The following GLT1D1 variants were observed in gnomAD, a reference collection of about 807,000 sequenced individuals.
GLT1D1 encodes glycosyltransferase 1 domain containing 1.
A neutral mutation model predicts 28.7 loss-of-function variants in GLT1D1; 21 were observed. That is an observed-to-expected ratio of 0.73 (90% confidence interval 0.52 to 1.05). The LOEUF (loss-of-function observed/expected upper bound fraction) is 1.05, where lower values mean the gene tolerates loss of function less well. Among genes scored for constraint, GLT1D1 ranks in the 50% least tolerant of loss-of-function variants. The pLI is 0.00. For synonymous variants in GLT1D1, 147 were observed against 124.8 expected (o/e 1.18, Z -1.19); for missense variants, 343 against 330.6 (o/e 1.04, Z -0.29).
At chr12:128,958,586 C>CA (rs1164628353) in intron 7 of GLT1D1, among the ~76,000 whole-genome samples, 30,154 of 74,490 alleles carry the variant, frequency 0.4, 6,022 homozygotes, top group Admixed American at 0.55. Context: ...ATTAAAAAGA[C>CA]AAAAAAAAAA....
chr12:128,966,870 C>A (rs1166834709), intron 7 of GLT1D1, among the ~76,000 whole-genome samples: 2 of 152,118 alleles, frequency 1.3e-5, no homozygotes, highest in African/African-American at 4.8e-5. Flanking sequence ...ATATACCTCA[C>A]CCCTGGAAAA....
At chr12:128,956,083 C>T (rs796086054) in intron 6 of GLT1D1, among the ~76,000 whole-genome samples, 10 of 143,898 alleles carry the variant, frequency 6.9e-5, no homozygotes, top group African/African-American at 2.4e-4. Flanking sequence ...GGCGTGAACC[C>T]GAGAGGCGGA....
At chr12:128,965,732 A>AG (rs1555220851) in intron 7 of GLT1D1, among the ~76,000 whole-genome samples, 113 of 104,612 alleles carry the variant, frequency 1.1e-3, no homozygotes, top group African/African-American at 3.6e-3. Flanking sequence ...AAAAAAAAAA[A>AG]AAAGAAAAAG....
intron 3 of GLT1D1, among the ~76,000 whole-genome samples, chr12:128,893,177 A>G (rs1247239656): frequency 6.6e-6 from 1 of 152,170 alleles, no homozygotes; most frequent in Non-Finnish European, 1.5e-5. Flanking sequence ...CCTGAGAGGC[A>G]GAGGTTGAAG....
Position 128,853,547 on chromosome 12 carries a change from CG to C in GLT1D1, c.-31del. On this transcript the variant is annotated 5_prime_UTR_variant, in exon 1 of 8. Transcript: ENST00000281703. ...GGCCCCGGGGCCTGGTCGGCGGCGGCGGGGCCGGTCGATGGCCCGGGCGGCG... is the reference window on the plus strand; with the variant it reads ...GGCCCCGGGGCCTGGTCGGCGGCGGCGGGCCGGTCGATGGCCCGGGCGGCG... 9.6e-7 allele frequency: 1 copy of C among 1,045,552 alleles called. No homozygotes were observed. 64.8% of individuals were successfully genotyped at this position (1,045,552 alleles called of 1,614,324 possible). A position where few individuals can be genotyped will look rare whatever the true frequency, so the allele number is the denominator to read the frequency against.
chr12:128,945,482 T>A (rs1185173068), intron 5 of GLT1D1, 113 bp downstream of exon 9: 2 of 885,744 alleles, frequency 2.3e-6, no homozygotes, highest in Admixed American at 1.8e-5. Flanking sequence ...AGTTTCCAAC[T>A]GTTTCCTCAT....
At chr12:128,884,067 T>G (rs573703314) in intron 2 of GLT1D1, among the ~76,000 whole-genome samples, 1 of 152,294 alleles carries the variant, frequency 6.6e-6, no homozygotes, top group South Asian at 2.1e-4. Context: ...CTTCTGGGTA[T>G]ATGTGCAAAG....
At chr12:128,960,143 C>T (rs995834794) in intron 7 of GLT1D1, among the ~76,000 whole-genome samples, 2 of 152,106 alleles carry the variant, frequency 1.3e-5, no homozygotes, top group Admixed American at 6.6e-5. Context: ...TCGTTGCAGA[C>T]TTATTTTGAT....
At position 128,853,481 on chromosome 12, in the gene GLT1D1, G is replaced by C. The variant is rs904744192; in HGVS notation, c.-101G>C. On this transcript the variant is annotated 5_prime_UTR_variant, in exon 1 of 8. Coordinates refer to ENST00000281703, the MANE Select transcript of GLT1D1 (RefSeq NM_144669.3). ...GCCTCGGGGAGGGGCGGGCGGGACA[G>C]ACCCAGCCGCCCCGGCTCCCCCGCC... 6 of 932,408 alleles carry C rather than the reference G, an allele frequency of 6.4e-6. No homozygotes were observed. Among genetic ancestry groups the C allele is most frequent in the Non-Finnish European group, 6.4e-6 (5 of 778,794 alleles). 57.8% of individuals were successfully genotyped at this position (932,408 alleles called of 1,614,324 possible).
At chr12:128,901,683 C>T (rs1870291501) in intron 4 of GLT1D1, among the ~76,000 whole-genome samples, 1 of 149,462 alleles carries the variant, frequency 6.7e-6, no homozygotes, top group Admixed American at 6.6e-5. Context: ...GATCCACCCA[C>T]CTTGGCCTCC....
intron 3 of GLT1D1, among the ~76,000 whole-genome samples, chr12:128,889,168 C>A (rs140363662): frequency 2.6e-5 from 4 of 151,874 alleles, no homozygotes; most frequent in Admixed American, 6.6e-5. Context: ...GTAGAAAACA[C>A]GAATCACAGG....
At chr12:128,918,190 C>T (rs1246138935) in intron 4 of GLT1D1, among the ~76,000 whole-genome samples, 1 of 152,190 alleles carries the variant, frequency 6.6e-6, no homozygotes, top group African/African-American at 2.4e-5. Flanking sequence ...CCGTTATCCT[C>T]AGCAAACTAA....
chr12:128,944,651 C>A, intron 4 of GLT1D1: 1 of 733,840 alleles, frequency 1.4e-6, no homozygotes, highest in South Asian at 1.4e-5. Flanking sequence ...TTATCTAGGG[C>A]TTCTGCCTGT....
chr12:128,965,102 T>A (rs924390313), intron 7 of GLT1D1, among the ~76,000 whole-genome samples: 3 of 152,146 alleles, frequency 2.0e-5, no homozygotes, highest in Non-Finnish European at 2.9e-5. Context: ...GCAAGAGGGA[T>A]TTTGCAGATG....
intron 4 of GLT1D1, among the ~76,000 whole-genome samples, chr12:128,942,772 A>C: frequency 8.4e-6 from 1 of 118,990 alleles, no homozygotes; most frequent in Non-Finnish European, 1.7e-5. Context: ...TTTTTTTGAG[A>C]CAGAGTCTCG....
intron 3 of GLT1D1, among the ~76,000 whole-genome samples, chr12:128,894,028 A>T (rs1350773810): frequency 1.3e-5 from 2 of 152,166 alleles, no homozygotes; most frequent in Non-Finnish European, 2.9e-5. Context: ...GATAAAGTCT[A>T]TTCCCCCAGA....
At chr12:128,856,734 T>G (rs1225317535) in intron 1 of GLT1D1, among the ~76,000 whole-genome samples, 3 of 152,116 alleles carry the variant, frequency 2.0e-5, no homozygotes, top group African/African-American at 7.2e-5. Flanking sequence ...GAAAACACTT[T>G]GTGCTTAAGA....
At chr12:128,931,937 ACAC>A (rs943187572) in intron 4 of GLT1D1, among the ~76,000 whole-genome samples, 3 of 152,220 alleles carry the variant, frequency 2.0e-5, no homozygotes, top group Admixed American at 1.3e-4. Flanking sequence ...ACACACACAC[ACAC>A]AACGTTGGCC....
chr12:128,897,625 T>C (rs1353214705), intron 3 of GLT1D1, among the ~76,000 whole-genome samples: 1 of 152,194 alleles, frequency 6.6e-6, no homozygotes, highest in Non-Finnish European at 1.5e-5. Context: ...ACTAACTTTT[T>C]CCATGTATTT....
Sources: gnomAD v4.1 joint callset for allele counts (sites outside exome capture counted in the v4.1 genomes callset) on GRCh38, gnomAD v4.1.1 for gene constraint, MANE v1.5 for transcripts, NCBI Gene and HGNC (gene_info 2026-07-23, HGNC 2026-07-21) for gene names.